SPECC1L: variants seen among roughly 807,000 people sequenced by gnomAD.
The protein encoded by SPECC1L is cytospin-A.
A neutral mutation model predicts 116.8 loss-of-function variants in SPECC1L; 40 were observed. The observed-to-expected ratio is 0.34, with a 90% CI of 0.27 to 0.45. The LOEUF is 0.45. Among genes scored for constraint, SPECC1L ranks in the 20% least tolerant of loss-of-function variants. The pLI, the probability that SPECC1L is intolerant of heterozygous loss-of-function variation, is 1.00. For synonymous variants in SPECC1L, 504 were observed against 500.6 expected, an observed-to-expected ratio of 1.01 and a Z score of -0.09; for missense variants, 1,110 against 1,373.6, an observed-to-expected ratio of 0.81 and a Z score of 3.03.
chr22:24,381,536 C>T (rs748753111), intron 14 of SPECC1L, among the ~76,000 whole-genome samples: 4 of 151,932 alleles, frequency 2.6e-5, no homozygotes, highest in Admixed American at 6.6e-5. Flanking sequence ...GTTTAGCAGG[C>T]GTATATTTAT....
chr22:24,355,868 G>T (rs936606894), intron 11 of SPECC1L, among the ~76,000 whole-genome samples: 10 of 149,852 alleles, frequency 6.7e-5, no homozygotes, highest in African/African-American at 2.2e-4. Flanking sequence ...ACACTATCTG[G>T]TATACAGTTT....
rs1601583266 is a variant in SPECC1L, at chr22:24,342,709, A to G, written c.2652+4232A>G. On this transcript the variant is annotated intron_variant, in intron 10 of 16. Coordinates refer to ENST00000314328, the MANE Select transcript of SPECC1L (RefSeq NM_015330.6). ...AAAAAAAGAAATAGAGGAAAAGATC[A>G]GTATGTTTGAGGACATAGCAGTAGA... is the stretch of plus-strand genomic sequence containing the variant. Among the ~76,000 whole-genome samples, 3 of 151,538 alleles carry G rather than the reference A, an allele frequency of 2.0e-5. No homozygotes were observed. In the East Asian group the frequency reaches 5.8e-4, roughly 29 times the overall value.
intron 10 of SPECC1L, among the ~76,000 whole-genome samples, chr22:24,341,747 G>A (rs1046796494): frequency 3.3e-5 from 5 of 152,178 alleles, no homozygotes; most frequent in African/African-American, 9.7e-5. Flanking sequence ...TGCTAAAATC[G>A]TTACAAAAAG....
At chr22:24,395,607 C>G (rs2042352248) in intron 14 of SPECC1L, among the ~76,000 whole-genome samples, 1 of 152,190 alleles carries the variant, frequency 6.6e-6, no homozygotes, top group Non-Finnish European at 1.5e-5. Context: ...GGGATCCACA[C>G]TTTTTATCTC....
intron 14 of SPECC1L, among the ~76,000 whole-genome samples, chr22:24,371,429 A>G (rs1468255164): frequency 1.3e-5 from 2 of 152,232 alleles, no homozygotes; most frequent in African/African-American, 4.8e-5. Flanking sequence ...CCTGGGCAGC[A>G]TCGGGAGGCC....
intron 14 of SPECC1L, among the ~76,000 whole-genome samples, chr22:24,375,076 C>G (rs1214886946): frequency 6.6e-6 from 1 of 152,030 alleles, no homozygotes. Flanking sequence ...AATTGGATAA[C>G]TTAGATGATA....
rs774298872 is a variant in SPECC1L, at chr22:24,322,881, G to A, written c.1901G>A (p.Arg634Gln). ...SSLQEDLAHT[R>Q]NDANRLQDAI... is the part of the protein sequence containing the mutation. ...TTGCAGGAAGATCTGGCTCATACCC[G>A]AAATGATGCCAATCGATTACAGGAT... The change falls in exon 5 of 17, where the codon CGA (arginine) becomes CAA (glutamine). Residue 634 changes from arginine to glutamine, a missense_variant. Physicochemically the swap from Arg to Gln is conservative, Grantham distance 43. Around this residue, in one of 4 missense-constraint regions of SPECC1L, gnomAD observed 575 missense variants for 682.4 expected, o/e 0.84. Transcript: ENST00000314328. 22 of 1,613,844 alleles carry A rather than the reference G, an allele frequency of 1.4e-5. No individual in the cohort carries two copies. The highest frequency in any genetic ancestry group is 4.5e-5 in the East Asian group (2 of 44,886).
At chr22:24,351,621 C>T (rs1248045622) in intron 11 of SPECC1L, among the ~76,000 whole-genome samples, 2 of 152,116 alleles carry the variant, frequency 1.3e-5, no homozygotes, top group East Asian at 1.9e-4. Flanking sequence ...GAATCTATAT[C>T]ACAGTAGTTG....
At chr22:24,355,464 C>CACCT (rs777867862) in intron 11 of SPECC1L, among the ~76,000 whole-genome samples, 18 of 151,900 alleles carry the variant, frequency 1.2e-4, no homozygotes, top group Middle Eastern at 3.4e-3. Flanking sequence ...TCCACCCACC[C>CACCT]ACCTACCTAC....
At chr22:24,302,055 A>AG in intron 2 of SPECC1L, 140 bp from the exon 3 acceptor site, 1 of 684,260 alleles carries the variant, frequency 1.5e-6, no homozygotes, top group Non-Finnish European at 2.5e-6. Flanking sequence ...CAAAAAAAAA[A>AG]AAAAATTTTT....
intron 11 of SPECC1L, among the ~76,000 whole-genome samples, chr22:24,360,548 T>C (rs2041623124): frequency 6.6e-6 from 1 of 152,132 alleles, no homozygotes; most frequent in Non-Finnish European, 1.5e-5. Context: ...GCAATACATT[T>C]CATGAACTTT....
At chr22:24,325,262 T>C (rs1294947359) in intron 6 of SPECC1L, among the ~76,000 whole-genome samples, 1 of 152,214 alleles carries the variant, frequency 6.6e-6, no homozygotes, top group Non-Finnish European at 1.5e-5. Flanking sequence ...GGAAGGAAAC[T>C]GCTGTTAGAG....
intron 2 of SPECC1L, among the ~76,000 whole-genome samples, chr22:24,279,312 G>T (rs1569400412): frequency 1.3e-5 from 2 of 152,154 alleles, no homozygotes; most frequent in Non-Finnish European, 2.9e-5. Context: ...CGCCTGTGCT[G>T]ACCTCTACTC....
chr22:24,275,412 A>G (rs1389166493), intron 1 of SPECC1L, among the ~76,000 whole-genome samples: 1 of 152,064 alleles, frequency 6.6e-6, no homozygotes, highest in Non-Finnish European at 1.5e-5. Flanking sequence ...TTCCAATTTT[A>G]TTTCTTGAAG....
chr22:24,284,474 G>A (rs980308394), intron 2 of SPECC1L, among the ~76,000 whole-genome samples: 30 of 151,472 alleles, frequency 2.0e-4, no homozygotes, highest in African/African-American at 7.0e-4. Flanking sequence ...TTGCTCTGTC[G>A]CCCAGGCTGG....
intron 9 of SPECC1L, among the ~76,000 whole-genome samples, chr22:24,335,608 A>G (rs2041037519): frequency 6.6e-6 from 1 of 152,220 alleles, no homozygotes; most frequent in African/African-American, 2.4e-5. Context: ...AATTCTTTAA[A>G]CTTTATTAAC....
At chr22:24,400,580 A>G (rs1422273036) in intron 14 of SPECC1L, among the ~76,000 whole-genome samples, 1 of 152,184 alleles carries the variant, frequency 6.6e-6, no homozygotes, top group African/African-American at 2.4e-5. Flanking sequence ...TTTGAAGTAT[A>G]GACAAGGAGT....
At chr22:24,400,483 G>A (rs1204613770) in intron 14 of SPECC1L, among the ~76,000 whole-genome samples, 1 of 152,186 alleles carries the variant, frequency 6.6e-6, no homozygotes, top group East Asian at 1.9e-4. Flanking sequence ...GTGGGCATTT[G>A]GGTTGTTTCC....
At chr22:24,413,470 G>A (rs1368866616) in intron 16 of SPECC1L, among the ~76,000 whole-genome samples, 3 of 152,156 alleles carry the variant, frequency 2.0e-5, no homozygotes, top group Non-Finnish European at 4.4e-5. Flanking sequence ...TAGATCTGGG[G>A]CCCTCCAGGG....
Sources: allele counts gnomAD v4.1 joint callset (sites outside exome capture counted in the v4.1 genomes callset), GRCh38; gene constraint gnomAD v4.1.1; regional missense constraint gnomAD v4.1.1; transcripts MANE v1.5; gene names NCBI Gene and HGNC (gene_info 2026-07-23, HGNC 2026-07-21).